Variants in B3GALT1 observed in about 807,000 individuals in gnomAD.
B3GALT1 encodes the protein beta-1,3-galactosyltransferase 1, also known as UDP-Gal:betaGlcNAc beta 1,3-galactosyltransferase, polypeptide 1.
In B3GALT1, 10 loss-of-function variants were observed where a neutral mutation model predicts 23.2. The observed-to-expected ratio is 0.43, with a 90% CI of 0.27 to 0.73. The LOEUF (loss-of-function observed/expected upper bound fraction) is 0.73. Ranked by LOEUF, B3GALT1 falls within the 30% of genes least tolerant of loss-of-function variation. The pLI is 0.21. For synonymous variants in B3GALT1, 156 were observed against 141.5 expected, an observed-to-expected ratio of 1.10 and a Z score of -0.73; for missense variants, 299 against 405.4, an observed-to-expected ratio of 0.74 and a Z score of 2.25.
Position 167,772,293 on chromosome 2 carries a change from C to T in B3GALT1, c.-351-46379C>T, listed in dbSNP as rs115180206. Among the ~76,000 whole-genome samples the T allele has an allele frequency of 8.5e-3, 1,293 of 152,184 alleles. 21 individuals are homozygous for T. The highest frequency in any genetic ancestry group is 0.026 in the African/African-American group (1,074 of 41,524). ...AACGATATTTTCCCTAGTAATAATG[C>T]TATTTATTAAGTGCATGCTCAATGC... On this transcript the variant is annotated intron_variant, in intron 3 of 4. Coordinates refer to ENST00000392690, the MANE Select transcript of B3GALT1 (RefSeq NM_020981.4).
At chr2:167,483,099 G>A (rs964669157) in intron 1 of B3GALT1, among the ~76,000 whole-genome samples, 3 of 151,954 alleles carry the variant, frequency 2.0e-5, no homozygotes, top group Admixed American at 6.5e-5. Flanking sequence ...TTCGAGACCA[G>A]CCTGACCAAC....
At chr2:167,487,246 A>C (rs1381407408) in intron 1 of B3GALT1, among the ~76,000 whole-genome samples, 1 of 152,200 alleles carries the variant, frequency 6.6e-6, no homozygotes, top group Admixed American at 6.5e-5. Flanking sequence ...AGTAGACTGT[A>C]GCCCAAACCC....
At chr2:167,585,471 T>C (rs1051664356) in intron 2 of B3GALT1, among the ~76,000 whole-genome samples, 8 of 152,206 alleles carry the variant, frequency 5.3e-5, no homozygotes, top group Non-Finnish European at 1.0e-4. Flanking sequence ...TCATTGGTCA[T>C]TGGGGAATTA....
chr2:167,559,081 T>A (rs576101224), intron 2 of B3GALT1, among the ~76,000 whole-genome samples: 1 of 152,150 alleles, frequency 6.6e-6, no homozygotes, highest in Non-Finnish European at 1.5e-5. Context: ...GACTGACACC[T>A]CACACGGCCG....
chr2:167,663,897 C>T (rs1686120797), intron 3 of B3GALT1, among the ~76,000 whole-genome samples: 1 of 151,472 alleles, frequency 6.6e-6, no homozygotes, highest in South Asian at 2.1e-4. Flanking sequence ...AAAATTTTCT[C>T]CCATTTTGTG....
intron 1 of B3GALT1, among the ~76,000 whole-genome samples, chr2:167,487,745 G>A (rs1212908728): frequency 6.6e-6 from 1 of 152,144 alleles, no homozygotes; most frequent in Non-Finnish European, 1.5e-5. Flanking sequence ...GTAGTGAGGG[G>A]GATATATGTA....
At chr2:167,294,994 A>G (rs1211991952) in intron 1 of B3GALT1, among the ~76,000 whole-genome samples, 1 of 152,144 alleles carries the variant, frequency 6.6e-6, no homozygotes, top group African/African-American at 2.4e-5. Flanking sequence ...ATCAGGAGGG[A>G]GCTGTCCAAA....
intron 3 of B3GALT1, among the ~76,000 whole-genome samples, chr2:167,691,569 T>C (rs1686712118): frequency 1.3e-5 from 2 of 152,150 alleles, no homozygotes; most frequent in Admixed American, 1.3e-4. Context: ...CCTCTCAAAA[T>C]TCACTAAAAT....
rs1489629580 is a variant in B3GALT1, at chr2:167,871,807, A to C, written c.*1787A>C. ...CAGTCAGCAAACCTGCACATTGCAC[A>C]TCTTCTACCATTTATTAGAAAACAC... On this transcript the variant is annotated 3_prime_UTR_variant, in exon 5 of 5. Coordinates refer to ENST00000392690, the MANE Select transcript of B3GALT1 (RefSeq NM_020981.4). The C allele has an allele frequency of 6.6e-6, 1 of 151,856 alleles. No homozygotes were observed. The allele number at this position is 151,856 out of a possible 1,614,324, so 9.4% of individuals were successfully genotyped here.
intron 1 of B3GALT1, among the ~76,000 whole-genome samples, chr2:167,391,922 A>G (rs1262093277): frequency 6.6e-6 from 1 of 152,156 alleles, no homozygotes; most frequent in African/African-American, 2.4e-5. Flanking sequence ...CCCACTTTTA[A>G]TAAGTCAAAG....
intron 3 of B3GALT1, among the ~76,000 whole-genome samples, chr2:167,792,786 G>A (rs1264829603): frequency 6.6e-6 from 1 of 152,064 alleles, no homozygotes; most frequent in East Asian, 1.9e-4. Context: ...CCTGCAGACA[G>A]GGAGGTCAGT....
intron 1 of B3GALT1, among the ~76,000 whole-genome samples, chr2:167,332,671 A>C (rs1385400472): frequency 6.6e-6 from 1 of 152,190 alleles, no homozygotes; most frequent in Non-Finnish European, 1.5e-5. Flanking sequence ...TGCACAAAAC[A>C]CTTCGGAACC....
intron 1 of B3GALT1, among the ~76,000 whole-genome samples, chr2:167,308,460 C>A (rs1280942735): frequency 6.6e-6 from 1 of 151,978 alleles, no homozygotes; most frequent in Non-Finnish European, 1.5e-5. Context: ...ATATACTTTA[C>A]TATGCTATTT....
At chr2:167,384,651 C>A (rs1409710642) in intron 1 of B3GALT1, among the ~76,000 whole-genome samples, 2 of 152,096 alleles carry the variant, frequency 1.3e-5, no homozygotes, top group African/African-American at 4.8e-5. Context: ...GTCTCACCTG[C>A]TCCATCCTTA....
At chr2:167,543,733 A>T (rs1683575319) in intron 2 of B3GALT1, among the ~76,000 whole-genome samples, 1 of 152,330 alleles carries the variant, frequency 6.6e-6, no homozygotes. Context: ...AGGAAACTGG[A>T]GCACCATCTT....
rs201625115 is a variant in B3GALT1 at position 167,869,000 on chromosome 2, C to T, written c.-40C>T. On this transcript the variant is annotated 5_prime_UTR_variant, in exon 5 of 5. Coordinates refer to ENST00000392690, the MANE Select transcript of B3GALT1 (RefSeq NM_020981.4). ...TGAAAACAAACTAGTGCCAAGGAGG[C>T]GTATTCTTCAATATTTGGAATAGAC... 109 of 1,537,742 alleles carry T rather than the reference C, an allele frequency of 7.1e-5. No individual in the cohort carries two copies. The highest frequency in any genetic ancestry group is 1.1e-4 in the Admixed American group (5 of 47,192).
At chr2:167,431,775 A>G (rs1291954922) in intron 1 of B3GALT1, among the ~76,000 whole-genome samples, 1 of 152,210 alleles carries the variant, frequency 6.6e-6, no homozygotes, top group Non-Finnish European at 1.5e-5. Flanking sequence ...TTATTACCTG[A>G]AATTTGGTCA....
intron 4 of B3GALT1, among the ~76,000 whole-genome samples, chr2:167,829,093 G>T (rs976166633): frequency 3.3e-5 from 5 of 152,266 alleles, no homozygotes; most frequent in African/African-American, 9.6e-5. Flanking sequence ...AGTTACTCGG[G>T]TCTTAAAAAG....
intron 1 of B3GALT1, among the ~76,000 whole-genome samples, chr2:167,419,911 A>G (rs1201794607): frequency 6.6e-6 from 1 of 152,212 alleles, no homozygotes; most frequent in Non-Finnish European, 1.5e-5. Context: ...GACTAAAGCC[A>G]CTGCTATAAT....
Sources: gnomAD v4.1 joint callset for allele counts (sites outside exome capture counted in the v4.1 genomes callset) on GRCh38, gnomAD v4.1.1 for gene constraint, MANE v1.5 for transcripts, NCBI Gene and HGNC (gene_info 2026-07-23, HGNC 2026-07-21) for gene names.